Variants in CDH12 observed in about 807,000 individuals in gnomAD.
The protein encoded by CDH12 is cadherin 12.
Under a neutral mutation model 74.1 loss-of-function variants are expected in CDH12, and 41 were observed. The observed-to-expected ratio is 0.55, with a 90% CI of 0.43 to 0.72. The LOEUF (loss-of-function observed/expected upper bound fraction) is 0.72, where lower values mean the gene tolerates loss of function less well. CDH12 is among the 30% of genes least tolerant of loss of function. The probability of loss-of-function intolerance (pLI) is 0.00; values close to 1 mark genes in which losing one functional copy is unlikely to be tolerated. For missense variants in CDH12, 945 were observed against 977.2 expected (o/e 0.97, Z 0.44); for synonymous variants, 399 against 355.0 (o/e 1.12, Z -1.39).
chr5:22,430,928 A>G (rs1744144228), intron 2 of CDH12, among the ~76,000 whole-genome samples: 1 of 152,134 alleles, frequency 6.6e-6, no homozygotes, highest in African/African-American at 2.4e-5. Context: ...CAAGTAAGCT[A>G]GAGTGAATCT....
intron 4 of CDH12, among the ~76,000 whole-genome samples, chr5:22,156,436 G>GA (rs1748027384): frequency 6.6e-6 from 1 of 151,964 alleles, no homozygotes; most frequent in South Asian, 2.1e-4. Flanking sequence ...TCAACTTGAT[G>GA]AAAAAATGCT....
intron 13 of CDH12, among the ~76,000 whole-genome samples, chr5:21,758,608 A>T (rs2149867797): frequency 6.6e-6 from 1 of 152,298 alleles, no homozygotes; most frequent in Non-Finnish European, 1.5e-5. Flanking sequence ...GACCTAATAA[A>T]GTCAGAGATA....
At chr5:22,133,461 T>G (rs1225905522) in intron 4 of CDH12, among the ~76,000 whole-genome samples, 1 of 152,142 alleles carries the variant, frequency 6.6e-6, no homozygotes, top group Non-Finnish European at 1.5e-5. Flanking sequence ...AGGGATTGAA[T>G]TCAGCCTTTC....
At chr5:22,118,868 A>T (rs1406208178) in intron 4 of CDH12, among the ~76,000 whole-genome samples, 1 of 152,132 alleles carries the variant, frequency 6.6e-6, no homozygotes, top group Non-Finnish European at 1.5e-5. Context: ...ACTAGAATAA[A>T]AACAAGGAGT....
At chr5:22,290,660 C>A (rs1737345607) in intron 3 of CDH12, among the ~76,000 whole-genome samples, 2 of 151,904 alleles carry the variant, frequency 1.3e-5, no homozygotes, top group Admixed American at 1.3e-4. Context: ...GGGACAGCAC[C>A]AAAAGAGCAA....
chr5:22,514,461 G>A (rs61538437), intron 1 of CDH12, among the ~76,000 whole-genome samples: 318 of 151,860 alleles, frequency 2.1e-3, no homozygotes, highest in African/African-American at 7.3e-3. Context: ...ACAGGTTGAA[G>A]GTGGATTGGA....
chr5:22,709,297 T>G (rs269023), intron 1 of CDH12, among the ~76,000 whole-genome samples: 112,649 of 151,992 alleles, frequency 0.74, 42,563 homozygotes, highest in African/African-American at 0.89. Flanking sequence ...TGTTACAAGG[T>G]GGTACATGAC....
intron 2 of CDH12, among the ~76,000 whole-genome samples, chr5:22,470,142 T>G (rs1335515129): frequency 6.6e-6 from 1 of 152,136 alleles, no homozygotes; most frequent in Non-Finnish European, 1.5e-5. Flanking sequence ...ATTTGCTGCT[T>G]CTAAGCATGC....
At chr5:21,763,936 A>G (rs1004425047) in intron 12 of CDH12, among the ~76,000 whole-genome samples, 1 of 152,204 alleles carries the variant, frequency 6.6e-6, no homozygotes, top group Non-Finnish European at 1.5e-5. Context: ...AGGCCACCAG[A>G]GAGGGAAGCT....
intron 1 of CDH12, among the ~76,000 whole-genome samples, chr5:22,567,498 A>G (rs1285642942): frequency 1.3e-5 from 2 of 152,204 alleles, no homozygotes; most frequent in African/African-American, 4.8e-5. Flanking sequence ...GTCTTTCAAG[A>G]ATCACATGTA....
chr5:22,652,833 A>G (rs1739811861), intron 1 of CDH12, among the ~76,000 whole-genome samples: 1 of 152,188 alleles, frequency 6.6e-6, no homozygotes. Context: ...ATCATCTGCA[A>G]AGAAACAGTA....
At chr5:21,977,969 G>A (rs949859234) in intron 5 of CDH12, among the ~76,000 whole-genome samples, 2 of 152,044 alleles carry the variant, frequency 1.3e-5, no homozygotes, top group Non-Finnish European at 2.9e-5. Flanking sequence ...TAATTAGGCA[G>A]ATGGGTGGTA....
chr5:22,336,811 C>A (rs1739604336), intron 3 of CDH12, among the ~76,000 whole-genome samples: 1 of 152,222 alleles, frequency 6.6e-6, no homozygotes, highest in South Asian at 2.1e-4. Flanking sequence ...GGAGCCCCCA[C>A]ACAGAGTCCC....
At chr5:22,619,853 G>C (rs754732956) in intron 1 of CDH12, among the ~76,000 whole-genome samples, 1 of 152,080 alleles carries the variant, frequency 6.6e-6, no homozygotes, top group Non-Finnish European at 1.5e-5. Context: ...AGTAAGGCAT[G>C]ATGTGTAAGC....
chr5:22,133,112 AT>A (rs1196978543), intron 4 of CDH12, among the ~76,000 whole-genome samples: 2 of 152,148 alleles, frequency 1.3e-5, no homozygotes, highest in Non-Finnish European at 2.9e-5. Flanking sequence ...TTGATAATAA[AT>A]AAAATTGTTT....
chr5:22,436,722 A>C (rs1298351355), intron 2 of CDH12, among the ~76,000 whole-genome samples: 2 of 152,140 alleles, frequency 1.3e-5, no homozygotes, highest in East Asian at 3.9e-4. Flanking sequence ...ATAGAAAAAA[A>C]ATAAAACCCA....
intron 4 of CDH12, among the ~76,000 whole-genome samples, chr5:22,122,911 C>T (rs1745610522): frequency 1.3e-5 from 2 of 152,198 alleles, no homozygotes; most frequent in African/African-American, 4.8e-5. Context: ...ACTACATCAG[C>T]TCTCCTTGTT....
Position 22,574,735 on chromosome 5 carries a change from T to C in CDH12, c.-522-69371A>G, listed in dbSNP as rs759113665. Among the ~76,000 whole-genome samples the C allele has an allele frequency of 1.4e-4, 21 of 152,284 alleles. No homozygotes were observed. The Middle Eastern group carries it at 0.017, about 123-fold the overall frequency. ...TCTCTTCCTCTTAACTCAAATGCTATCAGGTATAGTCACGGAATCATATTG... is the reference window on the plus strand; with the variant it reads ...TCTCTTCCTCTTAACTCAAATGCTACCAGGTATAGTCACGGAATCATATTG... On this transcript the variant is annotated intron_variant, in intron 1 of 14. Transcript: ENST00000382254.
At chr5:22,850,895 A>G (rs547346222) in intron 1 of CDH12, among the ~76,000 whole-genome samples, 2 of 152,116 alleles carry the variant, frequency 1.3e-5, no homozygotes, top group Non-Finnish European at 2.9e-5. Context: ...ATCACAATGC[A>G]TTTTAAGAGG....
Sources: gnomAD v4.1 joint callset for allele counts (sites outside exome capture counted in the v4.1 genomes callset) on GRCh38, gnomAD v4.1.1 for gene constraint, MANE v1.5 for transcripts, NCBI Gene and HGNC (gene_info 2026-07-23, HGNC 2026-07-21) for gene names.